Variants in VPS35L observed in about 807,000 individuals in gnomAD.
VPS35L encodes the protein VPS35 endosomal protein sorting factor like, also known as VPS35 endosomal protein-sorting factor-like.
In VPS35L, 83 loss-of-function variants were observed where a neutral mutation model predicts 133.0. The observed-to-expected ratio is 0.62, with a 90% CI of 0.52 to 0.75. The LOEUF is 0.75. Among genes scored for constraint, VPS35L ranks in the 30% least tolerant of loss-of-function variants. The pLI, the probability that VPS35L is intolerant of heterozygous loss-of-function variation, is 0.00. For missense variants in VPS35L, 1,083 were observed against 1,206.8 expected (o/e 0.90, Z 1.52); for synonymous variants, 423 against 449.9 (o/e 0.94, Z 0.76).
chr16:19,681,521 T>C (rs772724942), intron 27 of VPS35L, among the ~76,000 whole-genome samples: 4 of 152,048 alleles, frequency 2.6e-5, no homozygotes, highest in Admixed American at 6.6e-5. Context: ...CTGCACAGAG[T>C]GAGAAGTCTG....
intron 26 of VPS35L, 191 bp downstream of exon 26, chr16:19,652,281 GTCC>G (rs1974156809): frequency 1.8e-6 from 1 of 540,552 alleles, no homozygotes; most frequent in African/African-American, 1.9e-5. Context: ...GGCTCAAGCA[GTCC>G]TCCTGAGTAG....
Position 19,650,473 on chromosome 16 carries a change from A to G in VPS35L, c.2106+14A>G, listed in dbSNP as rs1974089471. 2 of 1,606,364 alleles carry G rather than the reference A, an allele frequency of 1.2e-6. No individual in the cohort carries two copies. Among genetic ancestry groups the G allele is most frequent in the Admixed American group, 1.7e-5 (1 of 59,982 alleles). ...GCATTTGTCCGGGTATGTTCTTAAG[A>G]TAAGGACTGTTGGACCTCGAACTCC... On this transcript the variant is annotated intron_variant, in intron 25 of 30. Transcript: ENST00000417362.
At chr16:19,629,916 C>T (rs1285281234) in intron 18 of VPS35L, 96 bp downstream of exon 18, 41 of 1,119,710 alleles carry the variant, frequency 3.7e-5, no homozygotes, top group East Asian at 7.3e-5. Context: ...CATTTGACAA[C>T]GGTACTTGCT....
chr16:19,645,676 C>A (rs567190685), intron 23 of VPS35L, among the ~76,000 whole-genome samples: 6 of 152,306 alleles, frequency 3.9e-5, no homozygotes, highest in South Asian at 2.1e-4. Flanking sequence ...TTCCATCCCC[C>A]CCAGCTCTGC....
chr16:19,693,477 T>C (rs1975776246), intron 29 of VPS35L, among the ~76,000 whole-genome samples: 1 of 150,974 alleles, frequency 6.6e-6, no homozygotes, highest in African/African-American at 2.5e-5. Flanking sequence ...CCTGTCTCTA[T>C]TAAAAAAAAA....
chr16:19,643,265 C>T (rs1973840399), intron 22 of VPS35L, among the ~76,000 whole-genome samples: 1 of 152,128 alleles, frequency 6.6e-6, no homozygotes, highest in Non-Finnish European at 1.5e-5. Context: ...GAAATAAAGA[C>T]ACAAAAAGCA....
chr16:19,661,400 T>C (rs924869032), intron 26 of VPS35L, among the ~76,000 whole-genome samples: 3 of 152,172 alleles, frequency 2.0e-5, no homozygotes, highest in Admixed American at 6.5e-5. Flanking sequence ...GCCCAATTGG[T>C]ATTTTAGCCT....
intron 1 of VPS35L, among the ~76,000 whole-genome samples, chr16:19,563,747 A>G (rs560481915): frequency 5.3e-5 from 8 of 152,260 alleles, no homozygotes; most frequent in African/African-American, 1.7e-4. Context: ...CTCTTGCCCT[A>G]TGCAGCTCAA....
intron 22 of VPS35L, among the ~76,000 whole-genome samples, chr16:19,644,539 G>A (rs1272899816): frequency 6.6e-6 from 1 of 152,068 alleles, no homozygotes; most frequent in Non-Finnish European, 1.5e-5. Context: ...CACCCCGCTG[G>A]AGATTTTTTA....
intron 7 of VPS35L, among the ~76,000 whole-genome samples, chr16:19,589,738 T>G (rs1971981439): frequency 6.6e-6 from 1 of 152,248 alleles, no homozygotes; most frequent in Admixed American, 6.5e-5. Context: ...TTATAAAATA[T>G]ATGTTCTATG....
At chr16:19,569,396 G>A (rs373022657) in intron 2 of VPS35L, 28 bp from the exon 3 acceptor site, 19 of 1,593,796 alleles carry the variant, frequency 1.2e-5, no homozygotes, top group Non-Finnish European at 1.5e-5. Flanking sequence ...TGGGAGTTCC[G>A]TTTTACCTCC....
chr16:19,599,469 G>T (rs1277889232), intron 8 of VPS35L, among the ~76,000 whole-genome samples: 1 of 151,932 alleles, frequency 6.6e-6, no homozygotes, highest in Non-Finnish European at 1.5e-5. Context: ...TCACATTTCA[G>T]CATGTATAAG....
intron 26 of VPS35L, among the ~76,000 whole-genome samples, chr16:19,656,676 G>A (rs1364122883): frequency 1.1e-4 from 16 of 151,868 alleles, no homozygotes; most frequent in South Asian, 2.1e-4. Context: ...TTGGCCCACC[G>A]GCACATAGTA....
chr16:19,664,336 GCTGT>G (rs1257411291), intron 26 of VPS35L, among the ~76,000 whole-genome samples: 1 of 151,962 alleles, frequency 6.6e-6, no homozygotes, highest in Non-Finnish European at 1.5e-5. Flanking sequence ...GGGGATGGTG[GCTGT>G]CTGTGTTTGC....
At chr16:19,630,676 T>C (rs1036558428) in intron 18 of VPS35L, among the ~76,000 whole-genome samples, 2 of 152,116 alleles carry the variant, frequency 1.3e-5, no homozygotes, top group African/African-American at 2.4e-5. Flanking sequence ...GGTCTGAATG[T>C]CTGTGCCCTC....
intron 15 of VPS35L, 46 bp downstream of exon 15, chr16:19,626,269 G>A: frequency 6.9e-7 from 1 of 1,440,180 alleles, no homozygotes; most frequent in Non-Finnish European, 9.7e-7. Context: ...AAATGGCGTT[G>A]GCTGCTATTT....
At chr16:19,651,612 T>G (rs926576718) in intron 25 of VPS35L, among the ~76,000 whole-genome samples, 1 of 152,216 alleles carries the variant, frequency 6.6e-6, no homozygotes, top group Non-Finnish European at 1.5e-5. Flanking sequence ...CTTTGTCACC[T>G]TGCTTCTCTT....
intron 29 of VPS35L, chr16:19,693,961 A>G (rs974473246): frequency 8.7e-6 from 1 of 114,534 alleles, no homozygotes; most frequent in Non-Finnish European, 1.7e-5. Flanking sequence ...AAAAAAAAGA[A>G]AAAAAAAAAA....
At chr16:19,565,905 T>TA (rs1971173756) in intron 2 of VPS35L, among the ~76,000 whole-genome samples, 1 of 152,116 alleles carries the variant, frequency 6.6e-6, no homozygotes, top group Non-Finnish European at 1.5e-5. Flanking sequence ...TGGGTTTATT[T>TA]AAAAAATAAA....
Sources: allele counts gnomAD v4.1 joint callset (sites outside exome capture counted in the v4.1 genomes callset), GRCh38; gene constraint gnomAD v4.1.1; transcripts MANE v1.5; gene names NCBI Gene and HGNC (gene_info 2026-07-23, HGNC 2026-07-21).